EPB41L2: variants seen among roughly 807,000 people sequenced by gnomAD.
The protein encoded by EPB41L2 is erythrocyte membrane protein band 4.1 like 2, also known as band 4.1-like protein 2.
EPB41L2 carries 43 observed loss-of-function variants against 113.0 expected under a neutral mutation model. That is an observed-to-expected ratio of 0.38 (90% CI 0.30 to 0.49). The LOEUF (loss-of-function observed/expected upper bound fraction) is 0.49. Among genes scored for constraint, EPB41L2 ranks in the 20% least tolerant of loss-of-function variants. The pLI is 0.95. For missense variants in EPB41L2, 1,147 were observed against 1,223.4 expected, an observed-to-expected ratio of 0.94 and a Z score of 0.93; for synonymous variants, 442 against 436.7, an observed-to-expected ratio of 1.01 and a Z score of -0.15.
At chr6:130,984,786 T>C (rs1456055185) in intron 1 of EPB41L2, among the ~76,000 whole-genome samples, 1 of 152,220 alleles carries the variant, frequency 6.6e-6, no homozygotes, top group Non-Finnish European at 1.5e-5. Context: ...ATCACACTTA[T>C]CCTTTCTATT....
At position 130,895,026 on chromosome 6, in the gene EPB41L2, T is replaced by C; in HGVS notation, c.1330A>G (p.Lys444Glu). The change falls in exon 9 of 20, where the codon AAA (lysine) becomes GAA (glutamate). Residue 444 changes from lysine (K) to glutamate (E), a missense_variant. Transcript: ENST00000337057. ...CGTTTATAGGAAATTTTTAAGATTT[T>C]CGGCCAAGCAAAACGATTGATTCGC... The part of the protein sequence containing the change: ...RLRINRFAWP[K>E]ILKISYKRSN... 1 of 1,614,042 alleles carries C rather than the reference T, an allele frequency of 6.2e-7. No homozygotes were observed. The highest frequency in any genetic ancestry group is 8.5e-7 in the Non-Finnish European group (1 of 1,179,926).
intron 3 of EPB41L2, among the ~76,000 whole-genome samples, chr6:130,949,550 G>A (rs1814100842): frequency 6.6e-6 from 1 of 151,684 alleles, no homozygotes; most frequent in South Asian, 2.1e-4. Context: ...GGGCAACAGA[G>A]AGAGATCCTG....
intron 3 of EPB41L2, among the ~76,000 whole-genome samples, chr6:130,946,311 A>AT (rs925065498): frequency 2.0e-5 from 3 of 151,848 alleles, no homozygotes; most frequent in East Asian, 3.9e-4. Context: ...TTTCCATAGT[A>AT]TTTTTTTTAA....
In EPB41L2 at chr6:131,051,465, A is replaced by AACACAC. The variant is rs201389745; in HGVS notation, c.-15+11684_-15+11689dup. ...ACAAAAGTAAAGCAAAAAAAAAAAA[A>AACACAC]ACACACACACACACACACACAACAG... On this transcript the variant is annotated intron_variant, in intron 1 of 19. Coordinates refer to ENST00000337057, the MANE Select transcript of EPB41L2 (RefSeq NM_001431.4). 1.8e-4 allele frequency among the ~76,000 whole-genome samples: 26 copies of AACACAC among 143,636 alleles called. No individual in the cohort carries two copies. In the East Asian group the frequency reaches 4.8e-3, roughly 27 times the overall value. The allele number at this position is 143,636 out of a possible 152,430, so 94.2% of individuals were successfully genotyped here.
chr6:130,894,234 G>T, intron 10 of EPB41L2, 110 bp downstream of exon 10: 1 of 788,194 alleles, frequency 1.3e-6, no homozygotes. Flanking sequence ...TCCCCAGGCT[G>T]GTCTCAAACT....
At chr6:130,916,255 A>T (rs1801041177) in intron 4 of EPB41L2, among the ~76,000 whole-genome samples, 1 of 152,184 alleles carries the variant, frequency 6.6e-6, no homozygotes, top group Non-Finnish European at 1.5e-5. Context: ...TTACACTAAA[A>T]TCTTTCTATT....
At chr6:130,919,826 C>G (rs1231266519) in intron 4 of EPB41L2, among the ~76,000 whole-genome samples, 1 of 152,152 alleles carries the variant, frequency 6.6e-6, no homozygotes, top group Non-Finnish European at 1.5e-5. Context: ...TGTATGACCC[C>G]CACAATCTCA....
intron 19 of EPB41L2, among the ~76,000 whole-genome samples, chr6:130,844,573 A>G (rs1164269938): frequency 1.3e-5 from 2 of 152,132 alleles, no homozygotes; most frequent in Non-Finnish European, 2.9e-5. Flanking sequence ...GTCTTAAGAC[A>G]CTGCATTTCC....
At chr6:131,019,056 T>C (rs767819717) in intron 1 of EPB41L2, among the ~76,000 whole-genome samples, 4 of 152,214 alleles carry the variant, frequency 2.6e-5, no homozygotes, top group Non-Finnish European at 5.9e-5. Context: ...AAAACCCTAC[T>C]TGGGATATGC....
At chr6:131,004,148 A>G (rs912642702) in intron 1 of EPB41L2, among the ~76,000 whole-genome samples, 39 of 152,296 alleles carry the variant, frequency 2.6e-4, no homozygotes, top group African/African-American at 8.7e-4. Context: ...TCCCTGCTTC[A>G]TGATAGGTTG....
At chr6:131,028,118 TCAC>T (rs1285290681) in intron 1 of EPB41L2, among the ~76,000 whole-genome samples, 7 of 152,202 alleles carry the variant, frequency 4.6e-5, no homozygotes, top group Non-Finnish European at 4.4e-5. Context: ...TGATGTCAAT[TCAC>T]CAACTAACAC....
intron 1 of EPB41L2, among the ~76,000 whole-genome samples, chr6:130,976,161 A>G (rs1018299972): frequency 1.3e-5 from 2 of 152,226 alleles, no homozygotes; most frequent in African/African-American, 4.8e-5. Flanking sequence ...TGACTCTTCA[A>G]TATGAATGAA....
In EPB41L2 at chr6:130,880,139, C is replaced by A. The variant is rs1788819583; in HGVS notation, c.1896+5G>T. On this transcript the variant is annotated splice_donor_5th_base_variant and intron_variant, in intron 13 of 19. Transcript: ENST00000337057. ...GACAGAGTTGTTTTCTTAGATTATA[C>A]AAACCTCCAACATTAAATTGCTATG... 1.9e-6 allele frequency: 3 copies of A among 1,601,076 alleles called. No homozygotes were observed. Among genetic ancestry groups the A allele is most frequent in the Non-Finnish European group, 2.6e-6 (3 of 1,168,388 alleles).
chr6:130,859,526 A>AG (rs397809504), intron 18 of EPB41L2, among the ~76,000 whole-genome samples: 3 of 151,756 alleles, frequency 2.0e-5, no homozygotes, highest in African/African-American at 4.8e-5. Context: ...AAAAAAAAAA[A>AG]GTCTAGGAAA....
intron 1 of EPB41L2, among the ~76,000 whole-genome samples, chr6:131,006,009 T>C (rs966730848): frequency 6.6e-6 from 1 of 152,116 alleles, no homozygotes; most frequent in African/African-American, 2.4e-5. Flanking sequence ...TCCTTATTTC[T>C]TTCCTTTCCC....
chr6:130,841,729 A>G (rs1775573555), intron 19 of EPB41L2, among the ~76,000 whole-genome samples: 1 of 152,228 alleles, frequency 6.6e-6, no homozygotes, highest in South Asian at 2.1e-4. Context: ...TGGGACCTCA[A>G]AAAAAGGAGA....
intron 1 of EPB41L2, among the ~76,000 whole-genome samples, chr6:131,054,688 C>T (rs1024645048): frequency 8.5e-5 from 13 of 152,118 alleles, no homozygotes; most frequent in South Asian, 2.1e-4. Flanking sequence ...TACTTGAGAC[C>T]GTCATTACGA....
At chr6:131,019,999 A>C (rs1027610026) in intron 1 of EPB41L2, among the ~76,000 whole-genome samples, 14 of 152,236 alleles carry the variant, frequency 9.2e-5, no homozygotes, top group African/African-American at 2.9e-4. Flanking sequence ...ATAACCATGG[A>C]AACATGGTTA....
intron 14 of EPB41L2, among the ~76,000 whole-genome samples, chr6:130,875,509 T>C (rs561929365): frequency 6.6e-6 from 1 of 152,322 alleles, no homozygotes; most frequent in Admixed American, 6.5e-5. Flanking sequence ...GTTCCTGTGT[T>C]GTGGCTCGTC....
Sources: gnomAD v4.1 joint callset for allele counts (sites outside exome capture counted in the v4.1 genomes callset) on GRCh38, gnomAD v4.1.1 for gene constraint, MANE v1.5 for transcripts, NCBI Gene and HGNC (gene_info 2026-07-23, HGNC 2026-07-21) for gene names.